EPHA6: variants seen among roughly 807,000 people sequenced by gnomAD.
EPHA6 encodes ephrin type-A receptor 6.
EPHA6 carries 50 observed loss-of-function variants against 112.0 expected under a neutral mutation model. The observed-to-expected ratio is 0.45, with a 90% CI of 0.36 to 0.56. The LOEUF is 0.56. Ranked by LOEUF, EPHA6 falls within the 20% of genes least tolerant of loss-of-function variation. The pLI, the probability that EPHA6 is intolerant of heterozygous loss-of-function variation, is 0.00. For missense variants in EPHA6, 1,280 were observed against 1,417.4 expected, an observed-to-expected ratio of 0.90 and a Z score of 1.56; for synonymous variants, 529 against 490.7, an observed-to-expected ratio of 1.08 and a Z score of -1.03.
chr3:97,228,661 G>A (rs1368551374), intron 4 of EPHA6, among the ~76,000 whole-genome samples: 2 of 151,620 alleles, frequency 1.3e-5, no homozygotes, highest in Non-Finnish European at 2.9e-5. Flanking sequence ...TTTTGCAATT[G>A]CAAATTGTGC....
intron 3 of EPHA6, among the ~76,000 whole-genome samples, chr3:97,200,040 G>T (rs2077541005): frequency 1.3e-5 from 2 of 152,014 alleles, no homozygotes; most frequent in Admixed American, 1.3e-4. Context: ...ATTTGCAAAG[G>T]CTCTGGAGAG....
chr3:97,591,348 CAA>C, intron 11 of EPHA6, among the ~76,000 whole-genome samples: 1 of 152,258 alleles, frequency 6.6e-6, no homozygotes, highest in African/African-American at 2.4e-5. Flanking sequence ...GACCCAAGTT[CAA>C]AGAAGCCTCA....
At chr3:97,014,776 T>C (rs760101271) in intron 3 of EPHA6, among the ~76,000 whole-genome samples, 2 of 152,216 alleles carry the variant, frequency 1.3e-5, no homozygotes, top group Non-Finnish European at 2.9e-5. Flanking sequence ...TATTTAAGAA[T>C]TCCTAAAGGA....
chr3:97,104,753 C>A (rs2047514318), intron 3 of EPHA6, among the ~76,000 whole-genome samples: 1 of 152,098 alleles, frequency 6.6e-6, no homozygotes, highest in Admixed American at 6.6e-5. Flanking sequence ...TAGAATCCAG[C>A]TGTGAATCTG....
In EPHA6 at chr3:97,328,054, C is replaced by CATATATATATATATATAT. The variant is rs71286029; in HGVS notation, c.1607-77088_1607-77071dup. On this transcript the variant is annotated intron_variant, in intron 5 of 17. Transcript: ENST00000389672. ...GTGTATATATACACACATATATACA[C>CATATATATATATATATAT]ATATATATATATATATATATATATA... Among the ~76,000 whole-genome samples the CATATATATATATATATAT allele has an allele frequency of 8.6e-4, 104 of 120,864 alleles. 3 individuals carry two copies. The highest frequency in any genetic ancestry group is 3.3e-3 in the African/African-American group (86 of 25,930). The allele number at this position is 120,864 out of a possible 152,430, so 79.3% of individuals were successfully genotyped here. A position where few individuals can be genotyped will look rare whatever the true frequency, so the allele number is the denominator to read the frequency against.
intron 5 of EPHA6, among the ~76,000 whole-genome samples, chr3:97,277,679 A>G (rs2080138667): frequency 1.3e-5 from 2 of 152,208 alleles, no homozygotes; most frequent in Non-Finnish European, 2.9e-5. Flanking sequence ...ATATATCTAA[A>G]CATATCTAAA....
rs557342384 is a variant in EPHA6, at chr3:97,546,101, A to G, written c.2386+13558A>G. 7.5e-4 allele frequency among the ~76,000 whole-genome samples: 114 copies of G among 152,216 alleles called. 1 individual carries two copies. The highest frequency in any genetic ancestry group is 3.4e-3 in the Middle Eastern group (1 of 294). On this transcript the variant is annotated intron_variant, in intron 11 of 17. Coordinates refer to ENST00000389672, the MANE Select transcript of EPHA6 (RefSeq NM_001080448.3). The stretch of plus-strand genomic sequence containing the variant: ...TATTGTTATGTGTGAATTTGATCCT[A>G]TCATTATGATGTTAGCTGGTTATTT...
intron 14 of EPHA6, among the ~76,000 whole-genome samples, chr3:97,708,803 T>C (rs1274312676): frequency 1.3e-5 from 2 of 152,180 alleles, no homozygotes; most frequent in Admixed American, 6.5e-5. Context: ...CAGTCATGGC[T>C]AAAAGAGGCC....
intron 13 of EPHA6, among the ~76,000 whole-genome samples, chr3:97,623,094 G>C (rs972670557): frequency 1.3e-5 from 2 of 151,728 alleles, no homozygotes; most frequent in Non-Finnish European, 3.0e-5. Flanking sequence ...AGGCACAAAA[G>C]TTTTTAAGTT....
chr3:97,218,772 G>A (rs890077584), intron 3 of EPHA6, among the ~76,000 whole-genome samples: 1 of 152,132 alleles, frequency 6.6e-6, no homozygotes, highest in African/African-American at 2.4e-5. Flanking sequence ...CCCCAAAGTT[G>A]TAATTCATTC....
At chr3:97,342,096 A>C (rs1005731123) in intron 5 of EPHA6, among the ~76,000 whole-genome samples, 2 of 152,142 alleles carry the variant, frequency 1.3e-5, no homozygotes, top group African/African-American at 4.8e-5. Context: ...TCTTTCAAAA[A>C]TTTGCCTAAA....
rs1258481792 is a variant in EPHA6, at chr3:97,661,289, C to T, written c.2784+23207C>T. Among the ~76,000 whole-genome samples the T allele has an allele frequency of 6.1e-5, 9 of 147,276 alleles. No individual in the cohort carries two copies. The Admixed American group carries it at 6.3e-4, about 10-fold the overall frequency. On this transcript the variant is annotated intron_variant, in intron 14 of 17. Transcript: ENST00000389672. The stretch of plus-strand genomic sequence containing the variant: ...TAAGATTGTACTCCCTAACGCTGGT[C>T]AGCTTACTTGGAGTTGTCTCAAGTC...
intron 5 of EPHA6, among the ~76,000 whole-genome samples, chr3:97,345,277 T>C (rs1487318770): frequency 6.6e-6 from 1 of 152,182 alleles, no homozygotes; most frequent in Non-Finnish European, 1.5e-5. Context: ...CAAAACAAAC[T>C]GCTTAGAAAT....
At chr3:96,974,221 T>C (rs926351318) in intron 2 of EPHA6, among the ~76,000 whole-genome samples, 5 of 147,530 alleles carry the variant, frequency 3.4e-5, no homozygotes, top group Non-Finnish European at 6.0e-5. Context: ...TAATTATTGA[T>C]ATATTATTAA....
chr3:97,379,650 G>A (rs888685501), intron 5 of EPHA6, among the ~76,000 whole-genome samples: 1 of 148,130 alleles, frequency 6.8e-6, no homozygotes, highest in African/African-American at 2.5e-5. Context: ...TTGAGAGGCT[G>A]AGACAGGAGA....
At chr3:97,379,221 C>G (rs935234944) in intron 5 of EPHA6, among the ~76,000 whole-genome samples, 3 of 152,146 alleles carry the variant, frequency 2.0e-5, no homozygotes, top group Admixed American at 6.5e-5. Context: ...CAGCTCCCAT[C>G]ATGATTCTGA....
At chr3:97,409,185 A>G (rs1171636959) in intron 6 of EPHA6, among the ~76,000 whole-genome samples, 2 of 152,094 alleles carry the variant, frequency 1.3e-5, no homozygotes, top group African/African-American at 4.8e-5. Flanking sequence ...ACCTATACAC[A>G]TATGTCCATC....
chr3:97,695,775 G>A (rs1221134969), intron 14 of EPHA6, among the ~76,000 whole-genome samples: 2 of 152,100 alleles, frequency 1.3e-5, no homozygotes, highest in Non-Finnish European at 2.9e-5. Flanking sequence ...TCTTGACCTC[G>A]TGATCCACAT....
At chr3:97,724,207 G>C (rs940732899) in intron 15 of EPHA6, among the ~76,000 whole-genome samples, 1 of 151,998 alleles carries the variant, frequency 6.6e-6, no homozygotes, top group Non-Finnish European at 1.5e-5. Context: ...GAGTTTCTCC[G>C]TTCTGCAGAC....
Sources: gnomAD v4.1 joint callset for allele counts (sites outside exome capture counted in the v4.1 genomes callset) on GRCh38, gnomAD v4.1.1 for gene constraint, MANE v1.5 for transcripts, NCBI Gene and HGNC (gene_info 2026-07-23, HGNC 2026-07-21) for gene names.